The following TXNDC5 variants were observed in gnomAD, a reference collection of about 807,000 sequenced individuals.
TXNDC5 encodes thioredoxin domain-containing protein 5.
A neutral mutation model predicts 52.6 loss-of-function variants in TXNDC5; 44 were observed. That is an observed-to-expected ratio of 0.84 (90% CI 0.66 to 1.08). The LOEUF is 1.08. Ranked by LOEUF, TXNDC5 falls within the 50% of genes least tolerant of loss-of-function variation. TXNDC5 has a pLI of 0.00. For synonymous variants in TXNDC5, 241 were observed against 234.4 expected, an observed-to-expected ratio of 1.03 and a Z score of -0.26; for missense variants, 600 against 565.5, an observed-to-expected ratio of 1.06 and a Z score of -0.62.
chr6:7,900,644 G>C (rs962590946), intron 2 of TXNDC5, among the ~76,000 whole-genome samples: 7 of 152,206 alleles, frequency 4.6e-5, no homozygotes, highest in African/African-American at 1.7e-4. Context: ...GAAGACCACA[G>C]ATTGGGTGTC....
At chr6:7,899,747 T>A in intron 2 of TXNDC5, 66 bp from the exon 3 acceptor site, 3 of 1,307,768 alleles carry the variant, frequency 2.3e-6, no homozygotes, top group Non-Finnish European at 3.2e-6. Context: ...GCAAACTCAT[T>A]TAGTGAAACA....
chr6:7,884,825 G>T (rs1377640928), intron 8 of TXNDC5, among the ~76,000 whole-genome samples: 1 of 152,220 alleles, frequency 6.6e-6, no homozygotes, highest in Non-Finnish European at 1.5e-5. Flanking sequence ...AGGGAACAGG[G>T]CAGATGCCAC....
chr6:7,891,707 A>G lies in TXNDC5; in HGVS notation c.646T>C (p.Trp216Arg). The change falls in exon 5 of 10, where the codon TGG becomes CGG. Residue 216 changes from tryptophan (W) to arginine (R), a missense_variant. Physicochemically the swap from Trp to Arg is moderately radical, Grantham distance 101. Coordinates refer to ENST00000379757, the MANE Select transcript of TXNDC5 (RefSeq NM_030810.5). ...GCCAGGGCTTTGCAGTGACCACACC[A>G]CGGAGCGAAGAACTTGATAAAGTGG... is the stretch of plus-strand genomic sequence containing the variant. ...GDHFIKFFAP[W>R]CGHCKALAPT... The G allele has an allele frequency of 6.2e-7, 1 of 1,613,860 alleles. No individual in the cohort carries two copies. The highest frequency in any genetic ancestry group is 8.5e-7 in the Non-Finnish European group (1 of 1,179,842).
chr6:7,889,567 C>T lies in TXNDC5; in HGVS notation c.747G>A (p.Gln249=), dbSNP rs775560612. The T allele has an allele frequency of 6.2e-7, 1 of 1,612,384 alleles. No homozygotes were observed. The highest frequency in any genetic ancestry group is 8.5e-7 in the Non-Finnish European group (1 of 1,178,528). ...GGTTTCCGGAGCAGAGTTCATAGTG[C>T]TGTGTACAATCAACCTGAGAATAAA... ...TVKIGKVDCT[Q]HYELCSGNQV... The change falls in exon 6 of 10, where the codon CAG becomes CAA. Residue 249 remains glutamine (Q), a synonymous_variant. Coordinates refer to ENST00000379757, the MANE Select transcript of TXNDC5 (RefSeq NM_030810.5).
rs768313860 is a variant in TXNDC5, at chr6:7,883,270, A to AAAAC, written c.1177-8_1177-5dup. The AAAAC allele has an allele frequency of 3.4e-5, 55 of 1,613,836 alleles. No homozygotes were observed. Among genetic ancestry groups the AAAAC allele is most frequent in the Non-Finnish European group, 4.6e-5 (54 of 1,179,910 alleles). On this transcript the variant is annotated splice_polypyrimidine_tract_variant and splice_region_variant and intron_variant, in intron 9 of 9. Coordinates refer to ENST00000379757, the MANE Select transcript of TXNDC5 (RefSeq NM_030810.5). ...ATAACGTGGGGTAGCCTCGTACCTTAAAACAAAAAAGAAAAAAGTTTGCAA... is the reference window on the plus strand; with the variant it reads ...ATAACGTGGGGTAGCCTCGTACCTTAAAACAAACAAAAAAGAAAAAAGTTTGCAA...
intron 6 of TXNDC5, 175 bp downstream of exon 6, chr6:7,889,320 C>T (rs1348125791): frequency 1.7e-6 from 1 of 584,466 alleles, no homozygotes; most frequent in Non-Finnish European, 3.0e-6. Flanking sequence ...TTCATCTCCA[C>T]AACCCAAATC....
rs1760092439 is a variant in TXNDC5 at position 7,888,789 on chromosome 6, C to T, written c.879G>A (p.Gln293=). The T allele has an allele frequency of 6.2e-7, 1 of 1,614,054 alleles. No homozygotes were observed. Among genetic ancestry groups the T allele is most frequent in the South Asian group, 1.1e-5 (1 of 91,074 alleles). The part of the protein sequence containing the change: ...LESLREYVES[Q]LQRTETGATE... ...TCGCTCCAGTCTCTGTGCGCTGCAG[C>T]TGCGACTCCACGTACTCCCTCAGTG... is the stretch of plus-strand genomic sequence containing the variant. Residue 293 remains glutamine (Q), a synonymous_variant, in exon 7 of 10, where the codon CAG becomes CAA. Coordinates refer to ENST00000379757, the MANE Select transcript of TXNDC5 (RefSeq NM_030810.5).
In TXNDC5 at chr6:7,910,686, C is replaced by T. The variant is rs1289139125; in HGVS notation, c.91G>A (p.Gly31Ser). The change falls in exon 1 of 10, where the codon GGC becomes AGC. Residue 31 changes from glycine to serine, a missense_variant. Physicochemically the swap from Gly to Ser is moderately conservative, Grantham distance 56 (BLOSUM62 0). Transcript: ENST00000379757. ...LLLLLLGHGG[G>S]GRWGARAQEA... ...TGGGCCCGGGCGCCCCAGCGCCCGC[C>T]GCCGCCATGGCCCAGCAGCAGCAGC... 1 of 1,115,748 alleles carries T rather than the reference C, an allele frequency of 9.0e-7. No homozygotes were observed. The highest frequency in any genetic ancestry group is 1.1e-6 in the Non-Finnish European group (1 of 914,884). 69.1% of individuals were successfully genotyped at this position (1,115,748 alleles called of 1,614,324 possible). A position where few individuals can be genotyped will look rare whatever the true frequency, so the allele number is the denominator to read the frequency against.
chr6:7,906,987 C>T (rs780328002), intron 1 of TXNDC5, among the ~76,000 whole-genome samples: 2 of 152,140 alleles, frequency 1.3e-5, no homozygotes, highest in Non-Finnish European at 2.9e-5. Flanking sequence ...CTGGAGGAAA[C>T]GCTGGCAGTG....
intron 8 of TXNDC5, among the ~76,000 whole-genome samples, chr6:7,885,733 A>G (rs1777212276): frequency 6.6e-6 from 1 of 152,132 alleles, no homozygotes; most frequent in African/African-American, 2.4e-5. Context: ...TATATAATCA[A>G]AGTTGATATA....
intron 2 of TXNDC5, among the ~76,000 whole-genome samples, chr6:7,901,242 T>C (rs1002622782): frequency 6.6e-6 from 1 of 152,180 alleles, no homozygotes; most frequent in Non-Finnish European, 1.5e-5. Flanking sequence ...CAAAGATGAT[T>C]GCCCTCACCT....
chr6:7,903,638 A>T (rs1247210542), intron 2 of TXNDC5, among the ~76,000 whole-genome samples: 1 of 152,196 alleles, frequency 6.6e-6, no homozygotes, highest in Non-Finnish European at 1.5e-5. Flanking sequence ...TATAAGCTCC[A>T]ATTTTTTGCT....
In TXNDC5 at chr6:7,884,465, G is replaced by C. The variant is rs756747930; in HGVS notation, c.1070C>G (p.Ala357Gly). The change falls in exon 9 of 10, where the codon GCT becomes GGT. Residue 357 changes from alanine (A) to glycine (G), a missense_variant. By Grantham distance (60) the Ala-to-Gly change is moderately conservative (BLOSUM62 0). Coordinates refer to ENST00000379757, the MANE Select transcript of TXNDC5 (RefSeq NM_030810.5). ...APWCGHCKTL[A>G]PTWEELSKKE... ...TTTAGAGAGTTCCTCCCAAGTAGGA[G>C]CCAGAGTCTTACAATGACCACACCT... 5.6e-6 allele frequency: 9 copies of C among 1,613,960 alleles called. No homozygotes were observed. The South Asian group carries it at 9.9e-5, about 18-fold the overall frequency.
chr6:7,910,481 TGCGGGGCAGG>T (rs1760882098), intron 1 of TXNDC5, 23 bp downstream of exon 1: 4 of 1,397,582 alleles, frequency 2.9e-6, no homozygotes, highest in Non-Finnish European at 3.8e-6. Context: ...AAGCGCCAAG[TGCGGGGCAGG>T]GCGCCGGCCT....
At chr6:7,884,577 T>C in intron 8 of TXNDC5, 89 bp from the exon 9 acceptor site, 1 of 1,565,944 alleles carries the variant, frequency 6.4e-7, no homozygotes, top group Admixed American at 1.8e-5. Flanking sequence ...CTGTTTCTTC[T>C]GTATGGGACA....
At chr6:7,897,196 T>C (rs1760400744) in intron 3 of TXNDC5, among the ~76,000 whole-genome samples, 1 of 152,094 alleles carries the variant, frequency 6.6e-6, no homozygotes, top group African/African-American at 2.4e-5. Context: ...TATAAAATCA[T>C]TAATGAGATG....
intron 6 of TXNDC5, chr6:7,889,265 G>A (rs916848547): frequency 1.9e-6 from 1 of 519,918 alleles, no homozygotes; most frequent in Admixed American, 3.3e-5. Context: ...ACTGTAAGAT[G>A]TGGGTTATTC....
At chr6:7,902,932 T>C (rs1760616860) in intron 2 of TXNDC5, among the ~76,000 whole-genome samples, 1 of 152,238 alleles carries the variant, frequency 6.6e-6, no homozygotes, top group South Asian at 2.1e-4. Context: ...ATATTGCAGC[T>C]GACAGCTGTT....
intron 8 of TXNDC5, among the ~76,000 whole-genome samples, 174 bp from the exon 9 acceptor site, chr6:7,884,662 C>T (rs901769467): frequency 9.2e-5 from 14 of 152,188 alleles, no homozygotes; most frequent in Non-Finnish European, 2.1e-4. Flanking sequence ...CTCCTCCTAT[C>T]CCAAATGAAG....
Sources: allele counts gnomAD v4.1 joint callset (sites outside exome capture counted in the v4.1 genomes callset), GRCh38; gene constraint gnomAD v4.1.1; transcripts MANE v1.5; gene names NCBI Gene and HGNC (gene_info 2026-07-23, HGNC 2026-07-21).